ZMYND11: variants seen among roughly 807,000 people sequenced by gnomAD.
ZMYND11 encodes the protein zinc finger MYND domain-containing protein 11.
Under a neutral mutation model 84.9 loss-of-function variants are expected in ZMYND11, and 9 were observed. The observed-to-expected ratio is 0.11, with a 90% CI of 0.06 to 0.18. ZMYND11 has a LOEUF of 0.18. Ranked by LOEUF, ZMYND11 falls within the 10% of genes least tolerant of loss-of-function variation. ZMYND11 has a pLI of 1.00. For synonymous variants in ZMYND11, 250 were observed against 244.1 expected (o/e 1.02, Z -0.23); for missense variants, 409 against 761.0 (o/e 0.54, Z 5.44).
At position 247,576 on chromosome 10, in the gene ZMYND11, G is replaced by T; in HGVS notation, c.1227+110G>T. The T allele has an allele frequency of 2.5e-6, 3 of 1,179,080 alleles. 1 individual carries two copies. The South Asian group carries it at 4.1e-5, about 16-fold the overall frequency. 73.0% of individuals were successfully genotyped at this position (1,179,080 alleles called of 1,614,324 possible). On this transcript the variant is annotated intron_variant, in intron 12 of 14. Transcript: ENST00000381604. ...AGACAGTCACTCTTGGTGGATACTT[G>T]TGAAATTCAGCTGCTGTCAGTCAAA...
At chr10:148,201 T>G (rs1554755917) in intron 1 of ZMYND11, 1 of 152,358 alleles carries the variant, frequency 6.6e-6, no homozygotes, top group East Asian at 1.9e-4. Context: ...ATTAGAGTCT[T>G]TAAACTGAGT....
chr10:248,191 T>G, intron 12 of ZMYND11, 145 bp from the exon 13 acceptor site: 1 of 985,860 alleles, frequency 1.0e-6, no homozygotes, highest in African/African-American at 1.6e-5. Context: ...ATACGTGACA[T>G]CTACCACCCT....
intron 1 of ZMYND11, among the ~76,000 whole-genome samples, chr10:179,097 T>C (rs1423915924): frequency 1.3e-5 from 2 of 152,186 alleles, no homozygotes; most frequent in Non-Finnish European, 2.9e-5. Context: ...CATGATAACA[T>C]GTATGATCTA....
At chr10:211,477 C>A (rs1213851899) in intron 3 of ZMYND11, among the ~76,000 whole-genome samples, 1 of 152,206 alleles carries the variant, frequency 6.6e-6, no homozygotes, top group Non-Finnish European at 1.5e-5. Context: ...GGCTCTACAG[C>A]AGATGAGCCA....
chr10:132,929 G>A (rs951883938), upstream of ZMYND11, among the ~76,000 whole-genome samples: 1 of 152,144 alleles, frequency 6.6e-6, no homozygotes, highest in Non-Finnish European at 1.5e-5. Context: ...GTAAAAATCT[G>A]TCTGTATTCA....
At chr10:142,562 A>G (rs1473364880) in intron 1 of ZMYND11, among the ~76,000 whole-genome samples, 2 of 152,216 alleles carry the variant, frequency 1.3e-5, no homozygotes, top group Non-Finnish European at 2.9e-5. Flanking sequence ...AGACATAATC[A>G]AATTGGTCTG....
In ZMYND11 at chr10:239,498, C is replaced by G; in HGVS notation, c.670C>G (p.Leu224Val). 1.9e-6 allele frequency: 3 copies of G among 1,612,190 alleles called. No individual in the cohort carries two copies. Among genetic ancestry groups the G allele is most frequent in the Non-Finnish European group, 2.5e-6 (3 of 1,179,376 alleles). Residue 224 changes from leucine to valine, a missense_variant, in exon 7 of 15, where the codon CTC becomes GTC. Leu to Val is a conservative substitution (Grantham distance 32). Transcript: ENST00000381604. ...GTTCAAAGCTGATGCCCAATTGCTT[C>G]TCCACAATACCGTGATTTTCTATGG... ...EEFKADAQLL[L>V]HNTVIFYGAD...
At chr10:135,226 T>A (rs1554751526), upstream of ZMYND11, 1 of 150,126 alleles carries the variant, frequency 6.7e-6, no homozygotes, top group East Asian at 2.0e-4. This position sits in a 1 kb window ranked among gnomAD's most constrained non-coding sequence, Gnocchi z 5.6. Context: ...GGCGGTGCCC[T>A]CCCGGCCCTC....
upstream of ZMYND11, among the ~76,000 whole-genome samples, chr10:131,438 G>A (rs1835310611): frequency 6.6e-6 from 1 of 152,202 alleles, no homozygotes; most frequent in African/African-American, 2.4e-5. Flanking sequence ...GGCAAGCACT[G>A]TCAGCTCAGC....
rs187059051 is a variant in ZMYND11 at position 252,729 on chromosome 10, T to C, written c.*259T>C. The C allele has an allele frequency of 6.2e-6, 2 of 321,464 alleles. No homozygotes were observed. Among genetic ancestry groups the C allele is most frequent in the African/African-American group, 2.2e-5 (1 of 46,276 alleles). The allele number at this position is 321,464 out of a possible 1,614,324, so 19.9% of individuals were successfully genotyped here. A position where few individuals can be genotyped will look rare whatever the true frequency, so the allele number is the denominator to read the frequency against. On this transcript the variant is annotated 3_prime_UTR_variant, in exon 15 of 15. Coordinates refer to ENST00000381604, the MANE Select transcript of ZMYND11 (RefSeq NM_001370100.5). The surrounding 1 kb of genome is among the most constrained non-coding windows in gnomAD (Gnocchi z 4.6). ...GAGAATTTGTTGCATTTTCAGCAAA[T>C]TTTAAAACATTTTTAGGTTTTACAG...
At chr10:198,869 A>G (rs1413618792) in intron 2 of ZMYND11, among the ~76,000 whole-genome samples, 1 of 152,234 alleles carries the variant, frequency 6.6e-6, no homozygotes, top group African/African-American at 2.4e-5. Flanking sequence ...TGGACCACCA[A>G]TTTCACATCA....
intron 1 of ZMYND11, among the ~76,000 whole-genome samples, chr10:159,829 T>A (rs1842581630): frequency 6.6e-6 from 1 of 152,222 alleles, no homozygotes. Context: ...CATATTTTCA[T>A]CTAATACTTG....
intron 1 of ZMYND11, among the ~76,000 whole-genome samples, chr10:159,784 T>C (rs1293819766): frequency 6.6e-6 from 1 of 152,206 alleles, no homozygotes; most frequent in African/African-American, 2.4e-5. Context: ...TGTTTGCTTG[T>C]TTGTTTCTAC....
At chr10:209,049 A>G (rs1045670563) in intron 2 of ZMYND11, among the ~76,000 whole-genome samples, 1 of 151,824 alleles carries the variant, frequency 6.6e-6, no homozygotes, top group Admixed American at 6.6e-5. Context: ...ATATATATAT[A>G]TAGAGAGAGA....
upstream of ZMYND11, among the ~76,000 whole-genome samples, chr10:133,089 C>A (rs1554750304): frequency 6.6e-6 from 1 of 152,184 alleles, no homozygotes; most frequent in African/African-American, 2.4e-5. Flanking sequence ...ATAAATCAAA[C>A]TGTTTTAATG....
intron 3 of ZMYND11, among the ~76,000 whole-genome samples, chr10:213,536 A>C (rs898679607): frequency 2.0e-5 from 3 of 152,196 alleles, no homozygotes; most frequent in African/African-American, 7.2e-5. Context: ...TTAAACGTTT[A>C]AGTCAAAGTT....
At chr10:146,251 C>T (rs1838799936) in intron 1 of ZMYND11, among the ~76,000 whole-genome samples, 1 of 152,116 alleles carries the variant, frequency 6.6e-6, no homozygotes, top group South Asian at 2.1e-4. Flanking sequence ...ACTTTTATAT[C>T]AGTACCATGC....
intron 2 of ZMYND11, among the ~76,000 whole-genome samples, chr10:190,524 T>G (rs1407655626): frequency 6.6e-6 from 1 of 152,200 alleles, no homozygotes; most frequent in African/African-American, 2.4e-5. Flanking sequence ...CCTGACACCT[T>G]TAAGTCAACC....
chr10:225,937 G>T (rs927426769), intron 4 of ZMYND11, among the ~76,000 whole-genome samples: 12 of 152,194 alleles, frequency 7.9e-5, no homozygotes, highest in African/African-American at 2.7e-4. Flanking sequence ...GGGTCTCTGT[G>T]CTGTGCAGTG....
Sources: gnomAD v4.1 joint callset for allele counts (sites outside exome capture counted in the v4.1 genomes callset) on GRCh38, gnomAD v4.1.1 for gene constraint, Gnocchi (gnomAD v3.1) non-coding constraint, MANE v1.5 for transcripts, NCBI Gene and HGNC (gene_info 2026-07-23, HGNC 2026-07-21) for gene names.